Variants in ITGBL1 observed in about 807,000 individuals in gnomAD.
ITGBL1 encodes the protein integrin subunit beta like 1.
In ITGBL1, 51 loss-of-function variants were observed where a neutral mutation model predicts 68.5. That is an observed-to-expected ratio of 0.74 (90% confidence interval 0.59 to 0.94). The LOEUF is 0.94. ITGBL1 is among the 40% of genes least tolerant of loss of function. The pLI is 0.00. For missense variants in ITGBL1, 649 were observed against 647.4 expected (o/e 1.00, Z -0.03); for synonymous variants, 209 against 227.3 (o/e 0.92, Z 0.72).
At chr13:101,480,079 A>G (rs1360452236) in intron 2 of ITGBL1, among the ~76,000 whole-genome samples, 1 of 152,150 alleles carries the variant, frequency 6.6e-6, no homozygotes, top group Non-Finnish European at 1.5e-5. Flanking sequence ...GTGGCCATAA[A>G]CAGATGAACA....
chr13:101,453,123 C>T (rs1742577677), intron 1 of ITGBL1, among the ~76,000 whole-genome samples, 192 bp downstream of exon 1: 1 of 152,220 alleles, frequency 6.6e-6, no homozygotes, highest in Non-Finnish European at 1.5e-5. Flanking sequence ...TTTGCTTTTC[C>T]TTTGGAAAAA....
At chr13:101,457,163 T>C (rs1203090773) in intron 2 of ITGBL1, among the ~76,000 whole-genome samples, 1 of 152,198 alleles carries the variant, frequency 6.6e-6, no homozygotes, top group Non-Finnish European at 1.5e-5. Context: ...TACATAATAT[T>C]ATTACAATGA....
At chr13:101,635,019 T>C (rs946692838) in intron 7 of ITGBL1, among the ~76,000 whole-genome samples, 1 of 110,190 alleles carries the variant, frequency 9.1e-6, no homozygotes, top group Non-Finnish European at 1.8e-5. Flanking sequence ...TCGAATTTCC[T>C]TTTTTTTTAG....
rs1360737028 is a variant in ITGBL1 at position 101,648,449 on chromosome 13, A to G, written c.1016-44136A>G. Among the ~76,000 whole-genome samples, 4 of 152,344 alleles carry G rather than the reference A, an allele frequency of 2.6e-5. No homozygotes were observed. The South Asian group carries it at 6.2e-4, about 24-fold the overall frequency. On this transcript the variant is annotated intron_variant, in intron 7 of 10. Coordinates refer to ENST00000376180, the MANE Select transcript of ITGBL1 (RefSeq NM_004791.3). ...GAATTAGTCAAAACAAATAAGAGAT[A>G]GACATTTAATGATGAAATATTTAAA... is the stretch of plus-strand genomic sequence containing the variant.
chr13:101,647,656 T>C (rs1459499134), intron 7 of ITGBL1, among the ~76,000 whole-genome samples: 2 of 152,108 alleles, frequency 1.3e-5, no homozygotes, highest in African/African-American at 4.8e-5. Flanking sequence ...GTTCAGCAGA[T>C]AACTTGGATA....
chr13:101,641,218 A>G (rs1462733282), intron 7 of ITGBL1, among the ~76,000 whole-genome samples: 1 of 152,236 alleles, frequency 6.6e-6, no homozygotes, highest in Non-Finnish European at 1.5e-5. Flanking sequence ...CAATGTGTGC[A>G]GTGAGGGAAT....
intron 7 of ITGBL1, among the ~76,000 whole-genome samples, chr13:101,652,935 T>G (rs2032796451): frequency 6.6e-6 from 1 of 151,884 alleles, no homozygotes; most frequent in Non-Finnish European, 1.5e-5. Context: ...CTGTCTCTAC[T>G]AAAAATACAA....
intron 9 of ITGBL1, among the ~76,000 whole-genome samples, chr13:101,709,749 G>A (rs1007018573): frequency 6.6e-6 from 1 of 152,108 alleles, no homozygotes; most frequent in African/African-American, 2.4e-5. Flanking sequence ...TGTTTACTAC[G>A]CTCACTATTG....
chr13:101,595,516 C>T (rs1029138136), intron 6 of ITGBL1, among the ~76,000 whole-genome samples: 15 of 151,736 alleles, frequency 9.9e-5, no homozygotes, highest in Admixed American at 7.9e-4. Flanking sequence ...AAAAATCAAA[C>T]AACCAGATTA....
At chr13:101,655,697 A>C (rs939105787) in intron 7 of ITGBL1, among the ~76,000 whole-genome samples, 12 of 152,184 alleles carry the variant, frequency 7.9e-5, no homozygotes, top group Admixed American at 5.2e-4. Flanking sequence ...TCCATTGTTA[A>C]ATCGGATAGT....
chr13:101,477,107 T>TA (rs2048549230), intron 2 of ITGBL1, among the ~76,000 whole-genome samples: 1 of 152,054 alleles, frequency 6.6e-6, no homozygotes, highest in Non-Finnish European at 1.5e-5. Flanking sequence ...AAACAAGTAT[T>TA]AAAGAATTCA....
rs746394512 is a variant in ITGBL1 at position 101,452,845 on chromosome 13, A to G, written c.12A>G (p.Pro4=). Residue 4 remains proline, a synonymous_variant, in exon 1 of 11, where the codon CCA becomes CCG. Coordinates refer to ENST00000376180, the MANE Select transcript of ITGBL1 (RefSeq NM_004791.3). ...CCCAGGAGCTCAGCATGCGTCCCCCAGGCTTCAGGAACTTCTTGCTGCTGG... is the reference window on the plus strand; with the variant it reads ...CCCAGGAGCTCAGCATGCGTCCCCCGGGCTTCAGGAACTTCTTGCTGCTGG... The part of the protein sequence containing the change: MRP[P]GFRNFLLLAS... The G allele has an allele frequency of 1.2e-6, 2 of 1,613,972 alleles. No homozygotes were observed. Among genetic ancestry groups the G allele is most frequent in the Non-Finnish European group, 1.7e-6 (2 of 1,179,936 alleles).
At chr13:101,608,484 A>G (rs1391087540) in intron 7 of ITGBL1, among the ~76,000 whole-genome samples, 1 of 151,976 alleles carries the variant, frequency 6.6e-6, no homozygotes, top group Non-Finnish European at 1.5e-5. Flanking sequence ...TGGAACAAAG[A>G]GAAAGTTTAA....
intron 7 of ITGBL1, among the ~76,000 whole-genome samples, chr13:101,629,390 TTATTTTATAA>T (rs2031900340): frequency 6.6e-6 from 1 of 152,158 alleles, no homozygotes; most frequent in Admixed American, 6.5e-5. Flanking sequence ...CTTCTTTCAA[TTATTTTATAA>T]AATACACTGC....
Position 101,612,569 on chromosome 13 carries a change from A to T in ITGBL1, c.1015+14270A>T, listed in dbSNP as rs907220583. Among the ~76,000 whole-genome samples the T allele has an allele frequency of 3.1e-4, 8 of 25,884 alleles. No individual in the cohort carries two copies. The Admixed American group carries it at 3.9e-3, about 13-fold the overall frequency. The allele number at this position is 25,884 out of a possible 152,430, so 17.0% of individuals were successfully genotyped here. A position where few individuals can be genotyped will look rare whatever the true frequency, so the allele number is the denominator to read the frequency against. ...CTCTTGAGTGTAGCTTAATGTAATTATAAAAAAAAAGGTGGTAGCAAAATC... is the reference window on the plus strand; with the variant it reads ...CTCTTGAGTGTAGCTTAATGTAATTTTAAAAAAAAAGGTGGTAGCAAAATC... On this transcript the variant is annotated intron_variant, in intron 7 of 10. Transcript: ENST00000376180.
At chr13:101,509,114 G>T (rs35125698) in intron 2 of ITGBL1, among the ~76,000 whole-genome samples, 18,402 of 152,134 alleles carry the variant, frequency 0.12, 1,645 homozygotes, top group African/African-American at 0.25. Flanking sequence ...TTATAGTTCC[G>T]CATGGCTGGG....
At chr13:101,601,796 A>T (rs9513925) in intron 7 of ITGBL1, among the ~76,000 whole-genome samples, 10 of 152,032 alleles carry the variant, frequency 6.6e-5, no homozygotes, top group Non-Finnish European at 1.0e-4. Context: ...CTGTGGTCTG[A>T]GAGACAGTTT....
intron 7 of ITGBL1, among the ~76,000 whole-genome samples, chr13:101,645,878 A>G (rs2032540038): frequency 6.6e-6 from 1 of 152,178 alleles, no homozygotes; most frequent in Non-Finnish European, 1.5e-5. Flanking sequence ...TTTGGAAATT[A>G]AGTGGGGAAA....
intron 7 of ITGBL1, among the ~76,000 whole-genome samples, chr13:101,599,697 C>T (rs1453626984): frequency 2.0e-5 from 3 of 152,256 alleles, no homozygotes; most frequent in African/African-American, 4.8e-5. Flanking sequence ...ATAGGGAATC[C>T]TTTCCCCATT....
Sources: gnomAD v4.1 joint callset for allele counts (sites outside exome capture counted in the v4.1 genomes callset) on GRCh38, gnomAD v4.1.1 for gene constraint, MANE v1.5 for transcripts, NCBI Gene and HGNC (gene_info 2026-07-23, HGNC 2026-07-21) for gene names.